The following PKHD1 variants were observed in gnomAD, a reference collection of about 807,000 sequenced individuals.
PKHD1 encodes the protein PKHD1 ciliary IPT domain containing fibrocystin/polyductin.
PKHD1 carries 291 observed loss-of-function variants against 412.0 expected under a neutral mutation model. The ratio of observed to expected loss-of-function variants is 0.71; its 90% CI spans 0.64 to 0.78. PKHD1 has a LOEUF of 0.78. Among genes scored for constraint, PKHD1 ranks in the 30% least tolerant of loss-of-function variants. The pLI is 0.00. For missense variants in PKHD1, 4,825 were observed against 4,950.7 expected (o/e 0.97, Z 0.76); for synonymous variants, 1,777 against 1,821.5 (o/e 0.98, Z 0.62).
At chr6:51,754,395 T>C (rs952037000) in intron 56 of PKHD1, among the ~76,000 whole-genome samples, 1 of 152,188 alleles carries the variant, frequency 6.6e-6, no homozygotes, top group Admixed American at 6.6e-5. Flanking sequence ...GTAACTACAA[T>C]ATTCTAAGGG....
intron 35 of PKHD1, among the ~76,000 whole-genome samples, chr6:51,974,451 A>C (rs915455351): frequency 1.3e-5 from 2 of 152,226 alleles, no homozygotes; most frequent in African/African-American, 4.8e-5. Context: ...TAATAGGCAT[A>C]GACTGTTGAA....
intron 35 of PKHD1, among the ~76,000 whole-genome samples, chr6:51,963,454 A>G (rs1325489025): frequency 6.6e-6 from 1 of 152,166 alleles, no homozygotes; most frequent in Non-Finnish European, 1.5e-5. Flanking sequence ...CAAAATAATT[A>G]CTAAATACTA....
At chr6:51,949,335 A>G (rs1789955911) in intron 36 of PKHD1, among the ~76,000 whole-genome samples, 2 of 152,174 alleles carry the variant, frequency 1.3e-5, no homozygotes, top group Non-Finnish European at 2.9e-5. Flanking sequence ...TCCATTCAAG[A>G]TGGACAAATC....
At chr6:51,697,547 C>T (rs1187186643) in intron 60 of PKHD1, among the ~76,000 whole-genome samples, 1 of 152,196 alleles carries the variant, frequency 6.6e-6, no homozygotes, top group Non-Finnish European at 1.5e-5. Flanking sequence ...GGATATTTAG[C>T]AGCCTCCCTG....
intron 37 of PKHD1, among the ~76,000 whole-genome samples, chr6:51,915,218 C>G (rs1267597454): frequency 6.6e-6 from 1 of 152,114 alleles, no homozygotes; most frequent in African/African-American, 2.4e-5. Flanking sequence ...GGCTTTGTCA[C>G]CTGATGCTGC....
At chr6:51,993,285 G>A (rs1465370677) in intron 35 of PKHD1, among the ~76,000 whole-genome samples, 2 of 152,212 alleles carry the variant, frequency 1.3e-5, no homozygotes, top group Non-Finnish European at 2.9e-5. Context: ...CCCAGGAGCC[G>A]AGCAGGCAGC....
chr6:51,968,102 C>T (rs982114444), intron 35 of PKHD1, among the ~76,000 whole-genome samples: 1 of 151,972 alleles, frequency 6.6e-6, no homozygotes, highest in African/African-American at 2.4e-5. Context: ...GGAAGAAGCC[C>T]AGAGAATGAA....
rs2151160634 is a variant in PKHD1, at chr6:51,775,895, C to T, written c.8467G>A (p.Glu2823Lys). The T allele has an allele frequency of 6.3e-7, 1 of 1,586,726 alleles. No individual in the cohort carries two copies. The highest frequency in any genetic ancestry group is 8.6e-7 in the Non-Finnish European group (1 of 1,156,450). The change falls in exon 54 of 67, where the codon GAA becomes AAA. Residue 2823 changes from glutamate (E) to lysine (K), a missense_variant. Glu to Lys is a moderately conservative substitution (Grantham distance 56). Coordinates refer to ENST00000371117, the MANE Select transcript of PKHD1 (RefSeq NM_138694.4). ...VGTLENPLEK[E>K]QKLLILLRAS... ...CTAAGGAGAATCAGAAGCTTTTGTT[C>T]CTTTTCTAAGGGATTTTCTAAAGTA...
At chr6:51,812,145 G>C (rs776937396) in intron 52 of PKHD1, among the ~76,000 whole-genome samples, 4 of 152,102 alleles carry the variant, frequency 2.6e-5, no homozygotes, top group Non-Finnish European at 5.9e-5. Context: ...GTGGGACCCA[G>C]GGAATATTAC....
intron 7 of PKHD1, 93 bp from the exon 8 acceptor site, chr6:52,072,282 T>C: frequency 1.2e-6 from 1 of 814,494 alleles, no homozygotes; most frequent in Non-Finnish European, 2.1e-6. Context: ...GAAACATGGC[T>C]ATGAACACTC....
At chr6:52,016,917 C>A (rs116070069) in intron 34 of PKHD1, among the ~76,000 whole-genome samples, 13 of 152,052 alleles carry the variant, frequency 8.5e-5, no homozygotes, top group Non-Finnish European at 1.5e-4. Context: ...AATGCTTATA[C>A]GCTTATGGCT....
At chr6:51,676,302 GA>G (rs1291017554) in intron 60 of PKHD1, among the ~76,000 whole-genome samples, 2 of 145,274 alleles carry the variant, frequency 1.4e-5, no homozygotes, top group Admixed American at 1.4e-4. Flanking sequence ...CTGAAGGAAA[GA>G]AAAAAATTTA....
intron 59 of PKHD1, among the ~76,000 whole-genome samples, chr6:51,745,830 A>T (rs1785123751): frequency 6.6e-6 from 1 of 152,240 alleles, no homozygotes; most frequent in African/African-American, 2.4e-5. Flanking sequence ...AGACATGAAC[A>T]TAAGGAAAAT....
chr6:52,025,595 G>C lies in PKHD1; in HGVS notation c.4215C>G (p.Thr1405=). Residue 1405 remains threonine, a synonymous_variant, in exon 32 of 67, where the codon ACC becomes ACG. Transcript: ENST00000371117. ...FPSQGSACGG[T]ILTVRGLLLN... ...GAAGCAACCCCCTCACAGTAAGTAT[G>C]GTCCCACCACATGCCGAACCCTGCG... 6.2e-7 allele frequency: 1 copy of C among 1,614,154 alleles called. No homozygotes were observed. The highest frequency in any genetic ancestry group is 8.5e-7 in the Non-Finnish European group (1 of 1,180,036).
intron 53 of PKHD1, among the ~76,000 whole-genome samples, chr6:51,787,604 A>T (rs6937928): frequency 4.0e-4 from 61 of 152,210 alleles, no homozygotes; most frequent in African/African-American, 1.4e-3. Context: ...CATTGGGCAG[A>T]TGGGTTCCAA....
chr6:51,906,155 A>G (rs992872927), intron 41 of PKHD1, 60 bp downstream of exon 41: 1 of 1,450,168 alleles, frequency 6.9e-7, no homozygotes, highest in Admixed American at 1.7e-5. Flanking sequence ...GGGAGAATTC[A>G]TTGTGAAAAA....
At chr6:51,835,420 A>T (rs973792567) in intron 51 of PKHD1, among the ~76,000 whole-genome samples, 5 of 152,216 alleles carry the variant, frequency 3.3e-5, no homozygotes, top group African/African-American at 4.8e-5. Context: ...GTAATTTTTA[A>T]ACAACTGTAT....
At chr6:51,651,457 G>A (rs1581843956) in intron 61 of PKHD1, among the ~76,000 whole-genome samples, 1 of 152,054 alleles carries the variant, frequency 6.6e-6, no homozygotes, top group African/African-American at 2.4e-5. Context: ...CTGCTAAGGG[G>A]GTGAAAGGTC....
rs549187705 is a variant in PKHD1, at chr6:51,730,306, C to T, written c.10156+14079G>A. Among the ~76,000 whole-genome samples, 7 of 152,112 alleles carry T rather than the reference C, an allele frequency of 4.6e-5. No individual in the cohort carries two copies. The South Asian group carries it at 6.2e-4, about 14-fold the overall frequency. ...GAAGTATCCCTGTAACTCTAAATAA[C>T]GTCATCAATATTTTCTAGTAATTCC... On this transcript the variant is annotated intron_variant, in intron 60 of 66. Transcript: ENST00000371117.
Sources: gnomAD v4.1 joint callset for allele counts (sites outside exome capture counted in the v4.1 genomes callset) on GRCh38, gnomAD v4.1.1 for gene constraint, MANE v1.5 for transcripts, NCBI Gene and HGNC (gene_info 2026-07-23, HGNC 2026-07-21) for gene names.